RNF126: variants seen among roughly 807,000 people sequenced by gnomAD.
RNF126 encodes ring finger protein 126, also known as E3 ubiquitin-protein ligase RNF126.
Under a neutral mutation model 41.9 loss-of-function variants are expected in RNF126, and 20 were observed. That is an observed-to-expected ratio of 0.48 (90% CI 0.34 to 0.69). RNF126 has a LOEUF of 0.69. Among genes scored for constraint, RNF126 ranks in the 30% least tolerant of loss-of-function variants. The probability of loss-of-function intolerance (pLI) is 0.01; values close to 1 mark genes in which losing one functional copy is unlikely to be tolerated. For missense variants in RNF126, 433 were observed against 460.6 expected (o/e 0.94, Z 0.55); for synonymous variants, 239 against 202.9 (o/e 1.18, Z -1.51).
chr19:651,682 G>T lies in RNF126; in HGVS notation c.372C>A (p.Ala124=). Residue 124 remains alanine (A), a synonymous_variant, in exon 4 of 9, where the codon GCC becomes GCA. Transcript: ENST00000292363. ...RDHPSRHRYG[A]RQPRARLTTR... The stretch of plus-strand genomic sequence containing the variant: ...TGGTGAGGCGGGCGCGGGGCTGTCG[G>T]GCGCCGTACCGGTGCCGGGACGGAT... 1 of 1,581,430 alleles carries T rather than the reference G, an allele frequency of 6.3e-7. No individual in the cohort carries two copies. The highest frequency in any genetic ancestry group is 2.3e-5 in the East Asian group (1 of 42,794).
intron 3 of RNF126, 89 bp downstream of exon 3, chr19:652,144 A>G: frequency 8.9e-7 from 1 of 1,122,424 alleles, no homozygotes; most frequent in East Asian, 2.9e-5. Context: ...GGGCAGGGAG[A>G]GCCGGGGAGG....
chr19:653,653 G>A lies in RNF126; in HGVS notation c.76-769C>T, dbSNP rs143968736. ...TGATGGCGGAGCGTGCCGAGCATTC[G>A]TGGGGCCTGGGCTGAAACGTGCATG... On this transcript the variant is annotated intron_variant, in intron 1 of 8. Coordinates refer to ENST00000292363, the MANE Select transcript of RNF126 (RefSeq NM_194460.3). 2.5e-4 allele frequency among the ~76,000 whole-genome samples: 38 copies of A among 152,326 alleles called. 1 individual carries two copies. The East Asian group carries it at 4.6e-3, about 19-fold the overall frequency.
intron 3 of RNF126, 117 bp from the exon 4 acceptor site, chr19:651,972 A>G (rs1263961761): frequency 1.1e-6 from 1 of 918,496 alleles, no homozygotes; most frequent in African/African-American, 1.7e-5. Flanking sequence ...GCCGGGTGGG[A>G]GGGAGACGCA....
chr19:659,547 C>T lies in RNF126; in HGVS notation c.75+3500G>A, dbSNP rs954771987. 3.9e-5 allele frequency among the ~76,000 whole-genome samples: 6 copies of T among 152,254 alleles called. No homozygotes were observed. The highest frequency in any genetic ancestry group is 3.9e-4 in the East Asian group (2 of 5,174). ...GACGGCACGCAGGGCCACCTCCCTG[C>T]GCCCGCCTGGTTCCTGGGGGCTCAG... On this transcript the variant is annotated intron_variant, in intron 1 of 8. Transcript: ENST00000292363. This position sits in a 1 kb window ranked among gnomAD's most constrained non-coding sequence, Gnocchi z 4.9.
chr19:661,080 G>A (rs3787011), intron 1 of RNF126, among the ~76,000 whole-genome samples: 17,015 of 152,284 alleles, frequency 0.11, 1,440 homozygotes, highest in African/African-American at 0.23. Flanking sequence ...AGACCACAGC[G>A]GCCTGTCACC....
Position 648,032 on chromosome 19 carries a change from G to A in RNF126, c.*96C>T, listed in dbSNP as rs941036130. 19 of 1,360,046 alleles carry A rather than the reference G, an allele frequency of 1.4e-5. No homozygotes were observed. The highest frequency in any genetic ancestry group is 2.5e-5 in the East Asian group (1 of 39,602). 84.2% of individuals were successfully genotyped at this position (1,360,046 alleles called of 1,614,324 possible). A position where few individuals can be genotyped will look rare whatever the true frequency, so the allele number is the denominator to read the frequency against. On this transcript the variant is annotated 3_prime_UTR_variant, in exon 9 of 9. Coordinates refer to ENST00000292363, the MANE Select transcript of RNF126 (RefSeq NM_194460.3). Reference sequence around the variant, plus strand: ...GACCTGCAGCGCTGACCAGCCAAGCGTGGCGCCGCCGGGGCACCCAGTCTG... The same window carrying A: ...GACCTGCAGCGCTGACCAGCCAAGCATGGCGCCGCCGGGGCACCCAGTCTG...
intron 1 of RNF126, 93 bp downstream of exon 1, chr19:662,954 G>C (rs1042169995): frequency 4.0e-6 from 2 of 496,842 alleles, no homozygotes; most frequent in Admixed American, 4.8e-5. Context: ...GCTCGCGCAA[G>C]AGGCGGGCGC....
chr19:658,665 G>C (rs1041293719), intron 1 of RNF126, among the ~76,000 whole-genome samples: 2 of 152,162 alleles, frequency 1.3e-5, no homozygotes, highest in Non-Finnish European at 2.9e-5. Flanking sequence ...TGGGCCCCAC[G>C]CACCACACAC....
rs371454522 is a variant in RNF126 at position 659,324 on chromosome 19, A to G, written c.75+3723T>C. On this transcript the variant is annotated intron_variant, in intron 1 of 8. Transcript: ENST00000292363. This position sits in a 1 kb window ranked among gnomAD's most constrained non-coding sequence, Gnocchi z 4.9. Reference sequence around the variant, plus strand: ...CCCCATCAGTGACACTGGCCGTAGCAGCCCTCACTTCCTGGTGGCTCCCCG... The same window carrying G: ...CCCCATCAGTGACACTGGCCGTAGCGGCCCTCACTTCCTGGTGGCTCCCCG... Among the ~76,000 whole-genome samples, 28 of 152,266 alleles carry G rather than the reference A, an allele frequency of 1.8e-4. No individual in the cohort carries two copies. Among genetic ancestry groups the G allele is most frequent in the African/African-American group, 6.7e-4 (28 of 41,560 alleles).
intron 1 of RNF126, among the ~76,000 whole-genome samples, chr19:658,141 G>C (rs1463289589): frequency 6.6e-6 from 1 of 152,094 alleles, no homozygotes. Context: ...CATCACCATA[G>C]CAACAGCTGG....
At chr19:654,468 C>G (rs2030470716) in intron 1 of RNF126, among the ~76,000 whole-genome samples, 1 of 150,486 alleles carries the variant, frequency 6.6e-6, no homozygotes, top group Non-Finnish European at 1.5e-5. Flanking sequence ...CATGGTGAAA[C>G]TCTGTCTCTA....
chr19:649,897 C>G, intron 5 of RNF126, 149 bp from the exon 6 acceptor site: 1 of 602,178 alleles, frequency 1.7e-6, no homozygotes, highest in Non-Finnish European at 3.0e-6. Context: ...GGGACAGGCA[C>G]CCCCACCCAC....
At position 651,680 on chromosome 19, in the gene RNF126, C is replaced by T. The variant is rs747399983; in HGVS notation, c.374G>A (p.Arg125Gln). 9.3e-5 allele frequency: 146 copies of T among 1,577,120 alleles called. No individual in the cohort carries two copies. Among genetic ancestry groups the T allele is most frequent in the Middle Eastern group, 1.7e-4 (1 of 5,822 alleles). ...CGTGGTGAGGCGGGCGCGGGGCTGT[C>T]GGGCGCCGTACCGGTGCCGGGACGG... ...DHPSRHRYGA[R>Q]QPRARLTTRR... The change falls in exon 4 of 9, where the codon CGA (arginine) becomes CAA (glutamine). Residue 125 changes from arginine to glutamine, a missense_variant. Physicochemically the swap from Arg to Gln is conservative, Grantham distance 43 (BLOSUM62 1). Around this residue, in one of 5 missense-constraint regions of RNF126, gnomAD observed 247 missense variants for 224.7 expected, o/e 1.10. Transcript: ENST00000292363.
chr19:648,832 G>T, intron 7 of RNF126, 50 bp downstream of exon 7: 1 of 1,108,772 alleles, frequency 9.0e-7, no homozygotes, highest in Non-Finnish European at 1.3e-6. Context: ...AGCCAGGCGT[G>T]GCGGCGGGTG....
At position 662,797 on chromosome 19, in the gene RNF126, T is replaced by G. The variant is rs558988032; in HGVS notation, c.75+250A>C. Among the ~76,000 whole-genome samples the G allele has an allele frequency of 5.7e-4, 87 of 152,068 alleles. 1 individual carries two copies. Among genetic ancestry groups the G allele is most frequent in the African/African-American group, 2.0e-3 (84 of 41,514 alleles). ...TGGGGTCACCCGGCCGCGATCCCGC[T>G]GCGCCGCTCCGGCCAGGCCCTGCCT... is the stretch of plus-strand genomic sequence containing the variant. On this transcript the variant is annotated intron_variant, in intron 1 of 8. Transcript: ENST00000292363.
rs1488634832 is a variant in RNF126, at chr19:653,004, G to C, written c.76-120C>G. The C allele has an allele frequency of 3.2e-6, 3 of 932,564 alleles. No individual in the cohort carries two copies. The East Asian group carries it at 7.9e-5, about 24-fold the overall frequency. The allele number at this position is 932,564 out of a possible 1,614,324, so 57.8% of individuals were successfully genotyped here. A position where few individuals can be genotyped will look rare whatever the true frequency, so the allele number is the denominator to read the frequency against. On this transcript the variant is annotated intron_variant, in intron 1 of 8. Transcript: ENST00000292363. The stretch of plus-strand genomic sequence containing the variant: ...TCTCTGGCTGGCCAGGCACACGCAG[G>C]CCAGGGTGGCTCCCAACCCGTGGGT...
chr19:660,631 C>A (rs1353237041), intron 1 of RNF126, among the ~76,000 whole-genome samples: 2 of 152,172 alleles, frequency 1.3e-5, no homozygotes, highest in African/African-American at 2.4e-5. Context: ...CATTTCCCAG[C>A]ATAAAAAATT....
chr19:653,437 G>C, intron 1 of RNF126, among the ~76,000 whole-genome samples: 1 of 152,222 alleles, frequency 6.6e-6, no homozygotes, highest in Admixed American at 6.5e-5. Context: ...ACCCTGCCCA[G>C]GGACAGCCGT....
intron 1 of RNF126, among the ~76,000 whole-genome samples, chr19:654,241 G>A (rs765318410): frequency 2.0e-5 from 3 of 152,240 alleles, no homozygotes; most frequent in Non-Finnish European, 2.9e-5. Flanking sequence ...ACCGTGAGGG[G>A]AGAGTGAAGA....
Sources: gnomAD v4.1 joint callset for allele counts (sites outside exome capture counted in the v4.1 genomes callset) on GRCh38, gnomAD v4.1.1 for gene constraint, gnomAD v4.1.1 regional missense constraint, Gnocchi (gnomAD v3.1) non-coding constraint, MANE v1.5 for transcripts, NCBI Gene and HGNC (gene_info 2026-07-23, HGNC 2026-07-21) for gene names.